ESRRG: variants seen among roughly 807,000 people sequenced by gnomAD.
ESRRG encodes the protein estrogen related receptor gamma.
ESRRG carries 13 observed loss-of-function variants against 44.0 expected under a neutral mutation model. The ratio of observed to expected loss-of-function variants is 0.30; its 90% CI spans 0.19 to 0.47. ESRRG has a LOEUF of 0.47. ESRRG is among the 20% of genes least tolerant of loss of function. The probability of loss-of-function intolerance (pLI) is 1.00; values close to 1 mark genes in which losing one functional copy is unlikely to be tolerated. For missense variants in ESRRG, 395 were observed against 580.6 expected, an observed-to-expected ratio of 0.68 and a Z score of 3.29; for synonymous variants, 215 against 214.6, an observed-to-expected ratio of 1.00 and a Z score of -0.02.
intron 1 of ESRRG, among the ~76,000 whole-genome samples, chr1:216,973,654 C>G (rs1317774624): frequency 6.6e-6 from 1 of 151,956 alleles, no homozygotes; most frequent in African/African-American, 2.4e-5. Flanking sequence ...TGGAGAAACC[C>G]CATCTCCACT....
chr1:217,065,410 G>T (rs553105473), intron 1 of ESRRG, among the ~76,000 whole-genome samples: 103 of 152,162 alleles, frequency 6.8e-4, no homozygotes, highest in Non-Finnish European at 1.4e-3. Context: ...GTTGTTAAAG[G>T]TGTTCTTGGA....
intron 2 of ESRRG, among the ~76,000 whole-genome samples, chr1:216,829,124 G>GA (rs1161960968): frequency 1.3e-5 from 2 of 152,176 alleles, no homozygotes; most frequent in Non-Finnish European, 2.9e-5. Flanking sequence ...GAATGGCTGT[G>GA]AAAATCAATT....
intron 1 of ESRRG, among the ~76,000 whole-genome samples, chr1:216,948,062 G>T (rs1399137120): frequency 6.6e-6 from 1 of 151,982 alleles, no homozygotes; most frequent in Non-Finnish European, 1.5e-5. Flanking sequence ...ACCCCAATCA[G>T]GAATACCCAT....
rs975521934 is a variant in ESRRG at position 216,821,701 on chromosome 1, T to TAA, written c.-14+117879_-14+117880dup. On this transcript the variant is annotated intron_variant, in intron 2 of 7. Coordinates refer to the ESRRG transcript ENST00000359162. ...ACCTGCCTCAGGAAAAATAAATAAA[T>TAA]AAATAAATAAATAAATAAATAAATA... 3.6e-4 allele frequency among the ~76,000 whole-genome samples: 29 copies of TAA among 80,544 alleles called. 5 individuals carry two copies. Among genetic ancestry groups the TAA allele is most frequent in the African/African-American group, 5.0e-4 (12 of 23,982 alleles). The allele number at this position is 80,544 out of a possible 152,430, so 52.8% of individuals were successfully genotyped here.
rs77116045 is a variant in ESRRG at position 216,970,875 on chromosome 1, A to T, written c.-105-31202T>A. On this transcript the variant is annotated intron_variant, in intron 1 of 7. Transcript: ENST00000359162. ...GGGAAGGGAATATATCTGGAACATA[A>T]TACCCTGTTGGTGCTCAATAAATGT... Among the ~76,000 whole-genome samples the T allele has an allele frequency of 8.1e-4, 124 of 152,314 alleles. 1 individual carries two copies. Among genetic ancestry groups the T allele is most frequent in the Non-Finnish European group, 1.6e-3 (107 of 68,032 alleles).
chr1:216,719,849 G>A (rs1013113959), intron 1 of ESRRG, among the ~76,000 whole-genome samples: 1 of 151,974 alleles, frequency 6.6e-6, no homozygotes, highest in Middle Eastern at 3.2e-3. Flanking sequence ...AACACATTAA[G>A]ATGAGAAACC....
intron 2 of ESRRG, among the ~76,000 whole-genome samples, chr1:216,780,990 A>G (rs747125851): frequency 6.6e-6 from 1 of 152,066 alleles, no homozygotes; most frequent in Non-Finnish European, 1.5e-5. Flanking sequence ...AACTAGTATA[A>G]TTTCAAAATA....
chr1:216,522,468 T>C (rs2046388782), intron 5 of ESRRG, among the ~76,000 whole-genome samples: 1 of 151,988 alleles, frequency 6.6e-6, no homozygotes, highest in Admixed American at 6.6e-5. Context: ...TTTCTTGGTC[T>C]AGAAATTGCT....
intron 1 of ESRRG, among the ~76,000 whole-genome samples, chr1:216,956,421 T>C (rs1328584287): frequency 2.0e-5 from 3 of 152,150 alleles, no homozygotes; most frequent in African/African-American, 7.2e-5. Flanking sequence ...CCTATAAATA[T>C]GTGGATTTAT....
intron 1 of ESRRG, among the ~76,000 whole-genome samples, chr1:217,101,872 T>A (rs567941929): frequency 3.3e-5 from 5 of 152,270 alleles, no homozygotes; most frequent in Admixed American, 3.3e-4. Flanking sequence ...AATGATGCGA[T>A]CTTGGCTCAC....
rs4120881 is a variant in ESRRG at position 217,101,809 on chromosome 1, A to G, written c.-230+35858T>C. The stretch of plus-strand genomic sequence containing the variant: ...AACATTTTATTTTTTTTTTTATTTT[A>G]TTTGTTTATTTATTGAGACAGAGTT... On this transcript the variant is annotated intron_variant, in intron 1 of 8. Transcript: ENST00000366940. 1.3e-3 allele frequency among the ~76,000 whole-genome samples: 194 copies of G among 149,524 alleles called. 4 individuals carry two copies. The highest frequency in any genetic ancestry group is 0.012 in the Admixed American group (184 of 15,044).
intron 1 of ESRRG, among the ~76,000 whole-genome samples, chr1:217,013,648 C>G (rs1448986198): frequency 6.6e-6 from 1 of 152,152 alleles, no homozygotes; most frequent in Non-Finnish European, 1.5e-5. Context: ...TATTTCATCT[C>G]TGGATAAAAG....
chr1:216,553,450 GT>G (rs970714660), intron 5 of ESRRG, among the ~76,000 whole-genome samples: 128 of 152,274 alleles, frequency 8.4e-4, no homozygotes, highest in African/African-American at 3.0e-3. Flanking sequence ...GTGAAATCCA[GT>G]TGAAGAAATT....
chr1:216,694,851 A>T (rs2151785553), intron 1 of ESRRG, among the ~76,000 whole-genome samples: 1 of 152,200 alleles, frequency 6.6e-6, no homozygotes, highest in South Asian at 2.1e-4. Context: ...GAGCCACTGC[A>T]CCTGGCCCAT....
At chr1:216,517,899 G>A (rs2044830427) in intron 6 of ESRRG, among the ~76,000 whole-genome samples, 1 of 152,114 alleles carries the variant, frequency 6.6e-6, no homozygotes, top group Non-Finnish European at 1.5e-5. Context: ...ATGCTAAACT[G>A]CATTATGAAG....
At chr1:216,582,812 T>C (rs2063046543) in intron 3 of ESRRG, among the ~76,000 whole-genome samples, 1 of 152,184 alleles carries the variant, frequency 6.6e-6, no homozygotes, top group Non-Finnish European at 1.5e-5. Context: ...AAAGAGAAGG[T>C]CTTTGAAGTG....
At chr1:216,752,948 C>T (rs1428831031) in intron 2 of ESRRG, among the ~76,000 whole-genome samples, 1 of 151,516 alleles carries the variant, frequency 6.6e-6, no homozygotes, top group Non-Finnish European at 1.5e-5. Context: ...TATTTTGCTG[C>T]CTTCTCACTA....
chr1:216,856,013 C>G (rs906935934), intron 2 of ESRRG, among the ~76,000 whole-genome samples: 1 of 152,134 alleles, frequency 6.6e-6, no homozygotes, highest in East Asian at 1.9e-4. Context: ...CTTCAAATGT[C>G]TTCTTTTTGT....
At chr1:216,880,274 T>G (rs2096423109) in intron 2 of ESRRG, among the ~76,000 whole-genome samples, 1 of 109,734 alleles carries the variant, frequency 9.1e-6, no homozygotes, top group South Asian at 3.2e-4. Flanking sequence ...GCCACTGCAC[T>G]CCAGCCTGAG....
Sources: allele counts gnomAD v4.1 joint callset (sites outside exome capture counted in the v4.1 genomes callset), GRCh38; gene constraint gnomAD v4.1.1; transcripts MANE v1.5; gene names NCBI Gene and HGNC (gene_info 2026-07-23, HGNC 2026-07-21).